TRPM3: variants seen among roughly 807,000 people sequenced by gnomAD.
TRPM3 encodes long transient receptor potential channel 3.
TRPM3 carries 77 observed loss-of-function variants against 181.2 expected under a neutral mutation model. The ratio of observed to expected loss-of-function variants is 0.42; its 90% CI spans 0.35 to 0.51. The LOEUF (loss-of-function observed/expected upper bound fraction) is 0.51, where lower values mean the gene tolerates loss of function less well. Ranked by LOEUF, TRPM3 falls within the 20% of genes least tolerant of loss-of-function variation. TRPM3 has a pLI of 0.01. For synonymous variants in TRPM3, 745 were observed against 796.4 expected (o/e 0.94, Z 1.09); for missense variants, 1,759 against 2,196.7 (o/e 0.80, Z 3.98).
intron 17 of TRPM3, among the ~76,000 whole-genome samples, chr9:70,617,982 A>G (rs1249531277): frequency 6.6e-6 from 1 of 152,152 alleles, no homozygotes; most frequent in Non-Finnish European, 1.5e-5. Context: ...AAACAAAACA[A>G]AACAAAAACC....
chr9:70,845,982 T>C (rs958023251), intron 4 of TRPM3, among the ~76,000 whole-genome samples: 1 of 152,230 alleles, frequency 6.6e-6, no homozygotes, highest in Admixed American at 6.5e-5. Context: ...AACGTCATTT[T>C]GTAAAAATTA....
At chr9:71,119,057 G>A in intron 1 of TRPM3, among the ~76,000 whole-genome samples, 1 of 152,162 alleles carries the variant, frequency 6.6e-6, no homozygotes. Flanking sequence ...TTCACAGCCA[G>A]AGAGTGGACA....
intron 1 of TRPM3, among the ~76,000 whole-genome samples, chr9:71,344,279 G>C (rs895694364): frequency 1.3e-5 from 2 of 151,996 alleles, no homozygotes; most frequent in African/African-American, 4.8e-5. Flanking sequence ...GCGAAACCCT[G>C]TCTCTACCAA....
At chr9:71,094,304 G>C (rs1356559890) in intron 1 of TRPM3, among the ~76,000 whole-genome samples, 4 of 151,918 alleles carry the variant, frequency 2.6e-5, no homozygotes, top group African/African-American at 9.7e-5. Context: ...AAAATATTTG[G>C]TTGCCTCCAT....
chr9:71,417,329 A>T (rs546301648), intron 1 of TRPM3, among the ~76,000 whole-genome samples: 1 of 152,124 alleles, frequency 6.6e-6, no homozygotes, highest in African/African-American at 2.4e-5. Context: ...AATTTTAGCC[A>T]ATCTAATGGG....
chr9:71,077,503 T>C lies in TRPM3; in HGVS notation c.177+43675A>G, dbSNP rs1467160161. On this transcript the variant is annotated intron_variant, in intron 1 of 25. Transcript: ENST00000677713. ...ATTCATTTTTCTTTCCACTCTTTCT[T>C]CCAGGAAACAGTGGGTGTATCACTT... Among the ~76,000 whole-genome samples the C allele has an allele frequency of 2.0e-5, 3 of 152,200 alleles. 1 individual carries two copies.
intron 1 of TRPM3, among the ~76,000 whole-genome samples, chr9:71,206,944 T>C (rs946838813): frequency 1.3e-5 from 2 of 152,104 alleles, no homozygotes; most frequent in African/African-American, 4.8e-5. Context: ...GACTAACTCA[T>C]GAACCTAAGG....
intron 1 of TRPM3, among the ~76,000 whole-genome samples, chr9:71,075,607 A>G (rs2063349201): frequency 6.6e-6 from 1 of 152,362 alleles, no homozygotes; most frequent in Admixed American, 6.5e-5. Flanking sequence ...ACATTTGCAC[A>G]TCATAAGTCA....
chr9:70,794,192 A>G (rs1340052578), intron 6 of TRPM3, among the ~76,000 whole-genome samples: 1 of 152,100 alleles, frequency 6.6e-6, no homozygotes, highest in Non-Finnish European at 1.5e-5. Context: ...CCTTTCCAGC[A>G]TAACTCATGA....
chr9:70,899,713 C>T (rs181906703), intron 1 of TRPM3, among the ~76,000 whole-genome samples: 6 of 152,304 alleles, frequency 3.9e-5, no homozygotes, highest in Non-Finnish European at 8.8e-5. Flanking sequence ...AGTAAGGATT[C>T]TATCTTAAGG....
rs1310627860 is a variant in TRPM3, at chr9:71,064,190, TTC to T, written c.177+56986_177+56987del. 5.3e-5 allele frequency among the ~76,000 whole-genome samples: 8 copies of T among 152,286 alleles called. No individual in the cohort carries two copies. The East Asian group carries it at 1.5e-3, about 29-fold the overall frequency. On this transcript the variant is annotated intron_variant, in intron 1 of 25. Coordinates refer to ENST00000677713, the MANE Select transcript of TRPM3 (RefSeq NM_001366145.2). ...GTAAATCCTTTTACCTGGGAATTTA[TTC>T]TCTCTTTTGTATTTCTGATAGTGAT...
chr9:70,542,857 A>G (rs1276234047), intron 25 of TRPM3, among the ~76,000 whole-genome samples: 3 of 152,222 alleles, frequency 2.0e-5, no homozygotes, highest in Non-Finnish European at 4.4e-5. Flanking sequence ...ATCAAAGGCA[A>G]TGATGCAGAA....
At chr9:71,248,623 A>C (rs2132007059) in intron 1 of TRPM3, among the ~76,000 whole-genome samples, 1 of 152,334 alleles carries the variant, frequency 6.6e-6, no homozygotes, top group South Asian at 2.1e-4. Context: ...TAACTGATTT[A>C]AGGTGGCCAG....
chr9:71,095,758 C>CAAA lies in TRPM3; in HGVS notation c.177+25417_177+25419dup, dbSNP rs34934062. Among the ~76,000 whole-genome samples the CAAA allele has an allele frequency of 1.3e-3, 109 of 85,214 alleles. 2 individuals are homozygous for CAAA. The highest frequency in any genetic ancestry group is 3.6e-3 in the African/African-American group (83 of 23,144). 55.9% of individuals were successfully genotyped at this position (85,214 alleles called of 152,430 possible). The stretch of plus-strand genomic sequence containing the variant: ...TGGGCAGCAGAATGAGACTCTGTGT[C>CAAA]AAAAAAAAAAAAAAAAAAAAGAAAG... On this transcript the variant is annotated intron_variant, in intron 1 of 25. Coordinates refer to ENST00000677713, the MANE Select transcript of TRPM3 (RefSeq NM_001366145.2).
chr9:71,339,858 CACA>C (rs1455936107), intron 1 of TRPM3, among the ~76,000 whole-genome samples: 1 of 152,010 alleles, frequency 6.6e-6, no homozygotes. Flanking sequence ...CAGAACTAGA[CACA>C]ACAGACGTTT....
At chr9:71,101,758 T>C (rs1225311988) in intron 1 of TRPM3, among the ~76,000 whole-genome samples, 3 of 152,126 alleles carry the variant, frequency 2.0e-5, no homozygotes, top group African/African-American at 7.2e-5. Context: ...ATTCAAAGAG[T>C]AGATATGTCC....
intron 18 of TRPM3, among the ~76,000 whole-genome samples, chr9:70,615,542 C>T (rs557364217): frequency 3.3e-5 from 5 of 152,308 alleles, no homozygotes; most frequent in Admixed American, 2.0e-4. Flanking sequence ...TCAGTGAAGC[C>T]GGCTGCTCTC....
At chr9:71,046,524 A>G (rs2133074482) in intron 1 of TRPM3, among the ~76,000 whole-genome samples, 1 of 152,268 alleles carries the variant, frequency 6.6e-6, no homozygotes, top group African/African-American at 2.4e-5. Context: ...GTATCTAAAT[A>G]TTGTTATCTG....
At chr9:70,546,506 G>A (rs2131746217) in intron 25 of TRPM3, among the ~76,000 whole-genome samples, 1 of 152,262 alleles carries the variant, frequency 6.6e-6, no homozygotes, top group Middle Eastern at 3.4e-3. Context: ...GAGGACTGAG[G>A]CCTGCCTTGT....
Sources: allele counts gnomAD v4.1 joint callset (sites outside exome capture counted in the v4.1 genomes callset), GRCh38; gene constraint gnomAD v4.1.1; transcripts MANE v1.5; gene names NCBI Gene and HGNC (gene_info 2026-07-23, HGNC 2026-07-21).